The following MSH6 variants were observed in gnomAD, a reference collection of about 807,000 sequenced individuals.
MSH6 encodes the protein mutS homolog 6.
In MSH6, 85 loss-of-function variants were observed where a neutral mutation model predicts 119.1. The ratio of observed to expected loss-of-function variants is 0.71; its 90% CI spans 0.60 to 0.85. The LOEUF (loss-of-function observed/expected upper bound fraction) is 0.85, where lower values mean the gene tolerates loss of function less well. Ranked by LOEUF, MSH6 falls within the 40% of genes least tolerant of loss-of-function variation. MSH6 has a pLI of 0.00. For synonymous variants in MSH6, 830 were observed against 586.9 expected (o/e 1.41, Z -5.99); for missense variants, 2,163 against 1,655.3 (o/e 1.31, Z -5.32).
intron 4 of MSH6, 150 bp downstream of exon 4, chr2:47,801,305 C>T (rs1027289370): frequency 1.0e-4 from 56 of 538,402 alleles, no homozygotes; most frequent in Non-Finnish European, 1.7e-4. Context: ...CTGCCCACAG[C>T]AATTTAAGTT....
rs267608053 is a variant in MSH6, at chr2:47,800,474, C to T, written c.2491C>T (p.Pro831Ser). ...CAGTAAAATTCATAATGTTGGGTCT[C>T]CCCTGAAGAGTCAGAACCACCCAGA... ...LLSKIHNVGSPLKSQNHPDSR... is the reference protein window; with the variant it reads ...LLSKIHNVGSSLKSQNHPDSR... The change falls in exon 4 of 10, where the codon CCC (proline) becomes TCC (serine). Residue 831 changes from proline to serine, a missense_variant. Coordinates refer to ENST00000234420, the MANE Select transcript of MSH6 (RefSeq NM_000179.3). 1.2e-6 allele frequency: 2 copies of T among 1,613,358 alleles called. No homozygotes were observed. Among genetic ancestry groups the T allele is most frequent in the Non-Finnish European group, 8.5e-7 (1 of 1,179,890 alleles).
intron 1 of MSH6, among the ~76,000 whole-genome samples, chr2:47,787,549 T>C (rs1273520071): frequency 6.6e-6 from 1 of 152,132 alleles, no homozygotes; most frequent in Non-Finnish European, 1.5e-5. Flanking sequence ...ATACCGGACA[T>C]TTAAGACTCA....
Position 47,795,888 on chromosome 2 carries a change from T to G in MSH6, c.458-6T>G. ...CCTTATTGTTTATAAATACATTTCT[T>G]TCTAGGTTCAAAATCAAAGGAAGCC... On this transcript the variant is annotated splice_polypyrimidine_tract_variant and splice_region_variant and intron_variant, in intron 2 of 9. Transcript: ENST00000234420. The G allele has an allele frequency of 6.2e-7, 1 of 1,613,654 alleles. No individual in the cohort carries two copies. The highest frequency in any genetic ancestry group is 1.1e-5 in the South Asian group (1 of 91,050).
At position 47,806,752 on chromosome 2, in the gene MSH6, T is replaced by TTC. The variant is rs1553333906; in HGVS notation, c.4002-26_4002-25insCT. 1.8e-3 allele frequency: 186 copies of TTC among 100,732 alleles called. No individual in the cohort carries two copies. The East Asian group carries it at 0.029, about 15-fold the overall frequency. 6.2% of individuals were successfully genotyped at this position (100,732 alleles called of 1,614,324 possible). ...ATGCACTATGAAAAAACAAAAAAACTTTTTTTTTTTTTTTTTTAATTTTAA... is the reference window on the plus strand; with the variant it reads ...ATGCACTATGAAAAAACAAAAAAACTTCTTTTTTTTTTTTTTTTTAATTTTAA... On this transcript the variant is annotated intron_variant, in intron 9 of 9. Coordinates refer to ENST00000234420, the MANE Select transcript of MSH6 (RefSeq NM_000179.3).
At chr2:47,787,820 GTGT>G (rs1668438875) in intron 1 of MSH6, among the ~76,000 whole-genome samples, 1 of 152,098 alleles carries the variant, frequency 6.6e-6, no homozygotes, top group Admixed American at 6.6e-5. Context: ...AGGTCTCACT[GTGT>G]AGCCCAGATG....
At chr2:47,802,023 G>A (rs1381651582) in intron 4 of MSH6, among the ~76,000 whole-genome samples, 2 of 152,134 alleles carry the variant, frequency 1.3e-5, no homozygotes, top group Non-Finnish European at 2.9e-5. Flanking sequence ...AAAAAGTTGA[G>A]CTTTTTATTA....
chr2:47,805,116 C>G (rs1362893034), intron 6 of MSH6, 89 bp downstream of exon 6: 13 of 883,186 alleles, frequency 1.5e-5, no homozygotes, highest in Non-Finnish European at 2.5e-5. Context: ...CCTTTTAAAT[C>G]TAATATTTGA....
chr2:47,789,428 A>G, intron 1 of MSH6: 1 of 471,458 alleles, frequency 2.1e-6, no homozygotes, highest in Non-Finnish European at 4.4e-6. Flanking sequence ...CCTAGTGAGG[A>G]TGCACATTTA....
chr2:47,801,361 G>GTATTTTTTTTT (rs1669576462), intron 4 of MSH6: 1 of 84,402 alleles, frequency 1.2e-5, no homozygotes, highest in South Asian at 1.9e-4. Flanking sequence ...CCTTTCTTCA[G>GTATTTTTTTTT]TTTTTTTTTT....
intron 1 of MSH6, among the ~76,000 whole-genome samples, chr2:47,788,907 C>T (rs13035849): frequency 0.41 from 6,833 of 16,534 alleles, 1,161 homozygotes; most frequent in East Asian, 0.81. Flanking sequence ...TTTCTTCTTC[C>T]TTTTTTTTTT....
chr2:47,791,295 A>G (rs1367994418), intron 2 of MSH6, among the ~76,000 whole-genome samples, 172 bp downstream of exon 2: 2 of 152,088 alleles, frequency 1.3e-5, no homozygotes, highest in Non-Finnish European at 2.9e-5. Flanking sequence ...GGGATGTAAC[A>G]TGGTCTTTAG....
downstream of MSH6, chr2:47,808,492 TTTATA>T (rs3136372): frequency 0.092 from 128,267 of 1,387,832 alleles, 6,896 homozygotes; most frequent in Non-Finnish European, 0.11. Context: ...TTCCATTCTG[TTTATA>T]TATTACTATG....
intron 3 of MSH6, among the ~76,000 whole-genome samples, chr2:47,797,217 C>T (rs1185828464): frequency 6.6e-6 from 1 of 152,172 alleles, no homozygotes; most frequent in Non-Finnish European, 1.5e-5. Context: ...GATCATTATC[C>T]TCTGATCTAT....
chr2:47,789,535 A>G (rs979188266), intron 1 of MSH6: 1 of 405,722 alleles, frequency 2.5e-6, no homozygotes, highest in Admixed American at 3.5e-5. Context: ...GACCTCATAC[A>G]TCATTTAAAA....
At position 47,800,538 on chromosome 2, in the gene MSH6, A is replaced by C. The variant is rs1114167796; in HGVS notation, c.2555A>C (p.Lys852Thr). The C allele has an allele frequency of 5.0e-6, 8 of 1,613,560 alleles. No homozygotes were observed. Among genetic ancestry groups the C allele is most frequent in the Non-Finnish European group, 6.8e-6 (8 of 1,179,854 alleles). Residue 852 changes from lysine to threonine, a missense_variant, in exon 4 of 10, where the codon AAG becomes ACG. Physicochemically the swap from Lys to Thr is moderately conservative, Grantham distance 78 (BLOSUM62 -1). Coordinates refer to ENST00000234420, the MANE Select transcript of MSH6 (RefSeq NM_000179.3). ...ATGTATGAAGAAACTACATACAGCA[A>C]GAAGAAGATTATTGATTTTCTTTCT... ...AIMYEETTYS[K>T]KKIIDFLSAL... is the part of the protein sequence containing the mutation.
chr2:47,800,773 A>C lies in MSH6; in HGVS notation c.2790A>C (p.Lys930Asn). 1 of 1,614,192 alleles carries C rather than the reference A, an allele frequency of 6.2e-7. No homozygotes were observed. Among genetic ancestry groups the C allele is most frequent in the African/African-American group, 1.3e-5 (1 of 75,060 alleles). The change falls in exon 4 of 10, where the codon AAA (lysine) becomes AAC (asparagine). Residue 930 changes from lysine (K) to asparagine (N), a missense_variant. Transcript: ENST00000234420. Reference sequence around the variant, plus strand: ...GAAAGACTGGACTTATTACTCCCAAAGCAGGCTTTGACTCTGATTATGACC... The same window carrying C: ...GAAAGACTGGACTTATTACTCCCAACGCAGGCTTTGACTCTGATTATGACC... ...KARKTGLITP[K>N]AGFDSDYDQA...
chr2:47,803,343 AAAG>A (rs1452488298), intron 4 of MSH6, 74 bp from the exon 5 acceptor site: 15 of 1,577,640 alleles, frequency 9.5e-6, no homozygotes, highest in East Asian at 2.2e-5. Context: ...TGTGTTATAT[AAAG>A]AAGACCTATA....
downstream of MSH6, chr2:47,809,571 ATTTATAGG>A (rs747303426): frequency 4.1e-6 from 6 of 1,475,140 alleles, no homozygotes; most frequent in African/African-American, 8.4e-5. Context: ...TATTGCATAT[ATTTATAGG>A]TATAGCAGAC....
rs765289515 is a variant in MSH6 at position 47,799,996 on chromosome 2, G to A, written c.2013G>A (p.Leu671=). ...GMTSESDSIG[L]TPGEKSELAL... is the part of the protein sequence containing the mutation. The stretch of plus-strand genomic sequence containing the variant: ...CTTCAGAGTCTGATTCCATTGGGTT[G>A]ACACCAGGAGAGAAAAGTGAATTGG... The change falls in exon 4 of 10, where the codon TTG becomes TTA. Residue 671 remains leucine (L), a synonymous_variant. Coordinates refer to ENST00000234420, the MANE Select transcript of MSH6 (RefSeq NM_000179.3). 7.4e-6 allele frequency: 12 copies of A among 1,614,070 alleles called. No homozygotes were observed. Among genetic ancestry groups the A allele is most frequent in the African/African-American group, 1.3e-5 (1 of 75,008 alleles).
Sources: gnomAD v4.1 joint callset for allele counts (sites outside exome capture counted in the v4.1 genomes callset) on GRCh38, gnomAD v4.1.1 for gene constraint, MANE v1.5 for transcripts, NCBI Gene and HGNC (gene_info 2026-07-23, HGNC 2026-07-21) for gene names.